Variants in ZNF675 observed in about 807,000 individuals in gnomAD.
ZNF675 encodes zinc finger protein 675, also known as TRAF6 inhibitory zinc finger.
Under a neutral mutation model 56.1 loss-of-function variants are expected in ZNF675, and 36 were observed. That is an observed-to-expected ratio of 0.64 (90% confidence interval 0.49 to 0.85). ZNF675 has a LOEUF of 0.85. Ranked by LOEUF, ZNF675 falls within the 40% of genes least tolerant of loss-of-function variation. The probability of loss-of-function intolerance (pLI) is 0.00; values close to 1 mark genes in which losing one functional copy is unlikely to be tolerated. For synonymous variants in ZNF675, 200 were observed against 218.9 expected (o/e 0.91, Z 0.76); for missense variants, 663 against 654.2 (o/e 1.01, Z -0.15).
intron 1 of ZNF675, among the ~76,000 whole-genome samples, chr19:23,669,306 C>T (rs753429899): frequency 1.7e-3 from 17 of 9,850 alleles, no homozygotes; most frequent in East Asian, 0.038. Context: ...GCGGGCAGTT[C>T]GCCCAGGGTG....
intron 1 of ZNF675, among the ~76,000 whole-genome samples, chr19:23,672,535 A>T (rs1968240274): frequency 6.6e-6 from 1 of 152,188 alleles, no homozygotes; most frequent in African/African-American, 2.4e-5. Context: ...TTTTCTGTAC[A>T]TTCTCAATCG....
chr19:23,683,800 CA>C (rs1968407827), intron 1 of ZNF675, among the ~76,000 whole-genome samples: 1 of 151,996 alleles, frequency 6.6e-6, no homozygotes, highest in South Asian at 2.1e-4. Context: ...ACACAACTGA[CA>C]AATTTTCTAA....
chr19:23,674,476 C>G (rs553093034), intron 1 of ZNF675, among the ~76,000 whole-genome samples: 1 of 151,086 alleles, frequency 6.6e-6, no homozygotes, highest in African/African-American at 2.5e-5. Flanking sequence ...AACCACATCT[C>G]TACTAAAAGC....
intron 1 of ZNF675, among the ~76,000 whole-genome samples, chr19:23,677,503 G>T (rs2886137): frequency 3.3e-5 from 5 of 150,622 alleles, no homozygotes; most frequent in East Asian, 2.0e-4. Context: ...GTCGGGAGTT[G>T]GAGACAAGCC....
At position 23,653,866 on chromosome 19, in the gene ZNF675, G is replaced by GT; in HGVS notation, c.1066dup (p.Thr356AsnfsTer2). On this transcript the variant is annotated frameshift_variant, in exon 4 of 4. Coordinates refer to ENST00000359788, the MANE Select transcript of ZNF675 (RefSeq NM_138330.3). LOFTEE classifies it high-confidence loss of function. ...TCCAGTATGAATGTTTTTATGTTCA[G>GT]TAAGTTTTGAGGATCGGTTAAAAGC... is the stretch of plus-strand genomic sequence containing the variant. 1 of 1,613,836 alleles carries GT rather than the reference G, an allele frequency of 6.2e-7. No individual in the cohort carries two copies. Among genetic ancestry groups the GT allele is most frequent in the South Asian group, 1.1e-5 (1 of 91,074 alleles).
intron 1 of ZNF675, among the ~76,000 whole-genome samples, chr19:23,683,817 C>A (rs1427734736): frequency 6.6e-6 from 1 of 152,080 alleles, no homozygotes; most frequent in Non-Finnish European, 1.5e-5. Context: ...TCTAAACTCA[C>A]TCTGGGAAAG....
intron 1 of ZNF675, among the ~76,000 whole-genome samples, chr19:23,677,595 A>C (rs1458504783): frequency 2.0e-5 from 3 of 150,558 alleles, no homozygotes; most frequent in Non-Finnish European, 4.4e-5. Flanking sequence ...AATCCCAGCT[A>C]CTCAGGAGGC....
At chr19:23,673,700 A>T (rs1265785017) in intron 1 of ZNF675, among the ~76,000 whole-genome samples, 1 of 152,190 alleles carries the variant, frequency 6.6e-6, no homozygotes, top group Non-Finnish European at 1.5e-5. Context: ...GAGGGAGAGC[A>T]TTAGGACATA....
intron 1 of ZNF675, among the ~76,000 whole-genome samples, chr19:23,681,043 G>A (rs1281450684): frequency 1.3e-5 from 2 of 151,874 alleles, no homozygotes; most frequent in Admixed American, 1.3e-4. Context: ...AGAGTGCAAT[G>A]TAAGTGGAAG....
intron 3 of ZNF675, 36 bp from the exon 4 acceptor site, chr19:23,654,742 C>A: frequency 3.4e-6 from 5 of 1,463,804 alleles, no homozygotes; most frequent in Admixed American, 4.8e-5. Context: ...ACTTTACAGA[C>A]TCAGATAAAT....
chr19:23,687,039 G>C lies in ZNF675; in HGVS notation c.-6C>G. ...GCACCCGTAACTCTCACCATTTCTA[G>C]GCTTCCAGGGGGTCCTGGAGTCTTA... On this transcript the variant is annotated 5_prime_UTR_variant, in exon 1 of 4. Coordinates refer to ENST00000359788, the MANE Select transcript of ZNF675 (RefSeq NM_138330.3). 1.2e-6 allele frequency: 2 copies of C among 1,613,710 alleles called. No homozygotes were observed. The highest frequency in any genetic ancestry group is 2.2e-5 in the East Asian group (1 of 44,848).
chr19:23,661,821 A>T (rs1032499533), intron 3 of ZNF675: 1 of 223,556 alleles, frequency 4.5e-6, no homozygotes. Flanking sequence ...GTGCCTCCAA[A>T]AAAAATGAGT....
chr19:23,667,679 T>A (rs1599416465), intron 1 of ZNF675, among the ~76,000 whole-genome samples: 1 of 148,834 alleles, frequency 6.7e-6, no homozygotes, highest in Non-Finnish European at 1.5e-5. Context: ...GAGTGTCAAT[T>A]GGTGCACTCA....
chr19:23,654,150 A>T lies in ZNF675; in HGVS notation c.783T>A (p.Cys261Ter), dbSNP rs1480963763. Residue 261 changes from cysteine to a stop codon, truncating the protein, a stop_gained, in exon 4 of 4, where the codon TGT becomes TGA. Transcript: ENST00000359788. LOFTEE classifies it high-confidence loss of function. ...GTGAGGACTGGTTAAAGGCTTTGCCACATTCTTCACATTTGTATGGTTTCT... is the reference window on the plus strand; with the variant it reads ...GTGAGGACTGGTTAAAGGCTTTGCCTCATTCTTCACATTTGTATGGTTTCT... ...AREKPYKCEE[C>*]GKAFNQSSHL... 1 of 1,614,048 alleles carries T rather than the reference A, an allele frequency of 6.2e-7. No homozygotes were observed. The highest frequency in any genetic ancestry group is 1.1e-5 in the South Asian group (1 of 91,082).
At chr19:23,673,469 G>A (rs1968251366) in intron 1 of ZNF675, among the ~76,000 whole-genome samples, 1 of 152,202 alleles carries the variant, frequency 6.6e-6, no homozygotes, top group South Asian at 2.1e-4. Flanking sequence ...AGTGACTGTA[G>A]AGGACTATCA....
In ZNF675 at chr19:23,663,036, G is replaced by GTT. The variant is rs1568290647; in HGVS notation, c.125_126insAA (p.Phe42LeufsTer12). On this transcript the variant is annotated frameshift_variant, in exon 2 of 4. Coordinates refer to ENST00000359788, the MANE Select transcript of ZNF675 (RefSeq NM_138330.3). LOFTEE classifies it high-confidence loss of function. ...GTGTGTTTAAGTTATCCTTACCCAG[G>GTT]AAGACCAGGTTTCTGTAGTTCTCTA... 9 of 1,584,582 alleles carry GTT rather than the reference G, an allele frequency of 5.7e-6. No individual in the cohort carries two copies. In the African/African-American group the frequency reaches 1.2e-4, roughly 22 times the overall value.
At chr19:23,667,912 T>G in intron 1 of ZNF675, among the ~76,000 whole-genome samples, 1 of 135,222 alleles carries the variant, frequency 7.4e-6, no homozygotes. Flanking sequence ...AGATACAGAG[T>G]GCCGACTGGT....
chr19:23,653,160 TAGA>T lies in ZNF675; in HGVS notation c.*63_*65del. 3 of 1,409,416 alleles carry T rather than the reference TAGA, an allele frequency of 2.1e-6. No individual in the cohort carries two copies. The highest frequency in any genetic ancestry group is 1.4e-5 in the African/African-American group (1 of 69,656). 87.3% of individuals were successfully genotyped at this position (1,409,416 alleles called of 1,614,324 possible). On this transcript the variant is annotated 3_prime_UTR_variant, in exon 4 of 4. Coordinates refer to ENST00000359788, the MANE Select transcript of ZNF675 (RefSeq NM_138330.3). The stretch of plus-strand genomic sequence containing the variant: ...GTCTTTGACACATTCTTTACATTTC[TAGA>T]ATTTTTCACCAGTATGATTTCCTTT...
chr19:23,683,872 ATT>A (rs201788116), intron 1 of ZNF675, among the ~76,000 whole-genome samples: 14,507 of 150,952 alleles, frequency 0.096, 757 homozygotes, highest in East Asian at 0.22. Context: ...ATATAATTAA[ATT>A]TTTTTTTTCT....
Sources: allele counts gnomAD v4.1 joint callset (sites outside exome capture counted in the v4.1 genomes callset), GRCh38; gene constraint gnomAD v4.1.1; transcripts MANE v1.5; gene names NCBI Gene and HGNC (gene_info 2026-07-23, HGNC 2026-07-21).